Variants in SNX29 observed in about 807,000 individuals in gnomAD.
SNX29 encodes sorting nexin-29.
SNX29 carries 78 observed loss-of-function variants against 102.1 expected under a neutral mutation model. That is an observed-to-expected ratio of 0.76 (90% CI 0.64 to 0.92). SNX29 has a LOEUF of 0.92. SNX29 is among the 40% of genes least tolerant of loss of function. The probability of loss-of-function intolerance (pLI) is 0.00; values close to 1 mark genes in which losing one functional copy is unlikely to be tolerated. For missense variants in SNX29, 1,280 were observed against 1,061.7 expected (o/e 1.21, Z -2.86); for synonymous variants, 580 against 414.5 (o/e 1.40, Z -4.85).
At chr16:12,387,216 C>G (rs1189892354) in intron 16 of SNX29, among the ~76,000 whole-genome samples, 2 of 152,158 alleles carry the variant, frequency 1.3e-5, no homozygotes, top group Admixed American at 6.5e-5. Flanking sequence ...CCTGCTGCTT[C>G]TGCACTGATT....
At chr16:12,562,898 G>A (rs142834400) in intron 20 of SNX29, among the ~76,000 whole-genome samples, 4 of 152,226 alleles carry the variant, frequency 2.6e-5, no homozygotes, top group South Asian at 4.1e-4. Context: ...GGAATTTGAC[G>A]ATGTGCTTGA....
At chr16:12,431,014 G>A (rs567736488) in intron 18 of SNX29, among the ~76,000 whole-genome samples, 3 of 152,170 alleles carry the variant, frequency 2.0e-5, no homozygotes, top group Non-Finnish European at 2.9e-5. Context: ...CACCACACCC[G>A]GCTATTTTTG....
In SNX29 at chr16:12,492,938, G is replaced by A. The variant is rs551404822; in HGVS notation, c.2178+15079G>A. ...ATGCTGTTTTGGTTACTGTAGCCTT[G>A]TAGTATAGTTTGAAGTCAGGTAGGG... On this transcript the variant is annotated intron_variant, in intron 19 of 20. Coordinates refer to ENST00000566228, the MANE Select transcript of SNX29 (RefSeq NM_032167.5). Among the ~76,000 whole-genome samples the A allele has an allele frequency of 5.1e-4, 78 of 152,312 alleles. No individual in the cohort carries two copies. In the East Asian group the frequency reaches 0.015, roughly 29 times the overall value.
At chr16:12,325,668 C>G (rs1179677138) in intron 15 of SNX29, among the ~76,000 whole-genome samples, 1 of 152,044 alleles carries the variant, frequency 6.6e-6, no homozygotes, top group Non-Finnish European at 1.5e-5. Flanking sequence ...TTGGCAATTT[C>G]TGAGAACAAA....
intron 12 of SNX29, among the ~76,000 whole-genome samples, chr16:12,129,411 G>C (rs1331009776): frequency 6.6e-6 from 1 of 152,242 alleles, no homozygotes; most frequent in Non-Finnish European, 1.5e-5. Flanking sequence ...CAGGGACATG[G>C]AGCCCAGGCC....
intron 15 of SNX29, among the ~76,000 whole-genome samples, chr16:12,316,530 G>A (rs997737864): frequency 2.0e-5 from 3 of 152,214 alleles, no homozygotes; most frequent in Non-Finnish European, 2.9e-5. Context: ...GAGACAGAGC[G>A]AAACTCCATT....
In SNX29 at chr16:12,546,877, G is replaced by C. The variant is rs1052280483; in HGVS notation, c.2319-21629G>C. Among the ~76,000 whole-genome samples the C allele has an allele frequency of 6.6e-5, 10 of 152,324 alleles. No homozygotes were observed. The East Asian group carries it at 1.9e-3, about 29-fold the overall frequency. ...TCACCAGTAAGATCAGGCTGGTTTG[G>C]TTTTTCCAGGGCTAGGAGTGCAGCT... On this transcript the variant is annotated intron_variant, in intron 20 of 20. Transcript: ENST00000566228.
chr16:12,560,576 C>G (rs2078667559), intron 20 of SNX29, among the ~76,000 whole-genome samples: 1 of 152,202 alleles, frequency 6.6e-6, no homozygotes, highest in South Asian at 2.1e-4. Flanking sequence ...TCCTTGGGGT[C>G]TGTCCATCTG....
intron 14 of SNX29, among the ~76,000 whole-genome samples, chr16:12,259,152 T>G (rs562092394): frequency 6.6e-6 from 1 of 152,162 alleles, no homozygotes; most frequent in Non-Finnish European, 1.5e-5. Flanking sequence ...AGGCTGTACA[T>G]CATCTCCGTG....
chr16:12,504,207 C>A (rs954609347), intron 19 of SNX29, among the ~76,000 whole-genome samples: 1 of 152,194 alleles, frequency 6.6e-6, no homozygotes, highest in Non-Finnish European at 1.5e-5. Flanking sequence ...AGGGTCTGTC[C>A]TGTTATAGCA....
intron 20 of SNX29, among the ~76,000 whole-genome samples, chr16:12,546,009 A>G (rs571109476): frequency 7.2e-5 from 11 of 152,240 alleles, no homozygotes; most frequent in African/African-American, 2.6e-4. Flanking sequence ...GATGCCAAAA[A>G]CAGAAAACAA....
At chr16:12,475,929 T>C (rs1410698311) in intron 18 of SNX29, among the ~76,000 whole-genome samples, 3 of 152,216 alleles carry the variant, frequency 2.0e-5, no homozygotes, top group Non-Finnish European at 4.4e-5. Flanking sequence ...ATTAGTATTA[T>C]GTATGATGAT....
At chr16:12,484,314 C>T (rs928540584) in intron 19 of SNX29, among the ~76,000 whole-genome samples, 4 of 152,162 alleles carry the variant, frequency 2.6e-5, no homozygotes, top group African/African-American at 4.8e-5. Flanking sequence ...GCCCCTGGCT[C>T]CTGTTTAGAT....
At chr16:12,476,844 A>G (rs879821139) in intron 18 of SNX29, among the ~76,000 whole-genome samples, 12 of 152,118 alleles carry the variant, frequency 7.9e-5, no homozygotes, top group Admixed American at 2.0e-4. Flanking sequence ...AGAATTTATC[A>G]CTCACATTAG....
chr16:12,304,058 A>G (rs2151108610), intron 15 of SNX29, among the ~76,000 whole-genome samples: 1 of 152,322 alleles, frequency 6.6e-6, no homozygotes, highest in East Asian at 1.9e-4. Context: ...GCCTATGCAT[A>G]TCGTGTGTAA....
At chr16:12,110,815 G>C (rs1489314887) in intron 11 of SNX29, among the ~76,000 whole-genome samples, 2 of 151,652 alleles carry the variant, frequency 1.3e-5, no homozygotes, top group Admixed American at 6.6e-5. Flanking sequence ...AAAAAATGGT[G>C]TTTTTCTTTT....
At chr16:12,108,068 A>G (rs927441573) in intron 11 of SNX29, among the ~76,000 whole-genome samples, 11 of 152,194 alleles carry the variant, frequency 7.2e-5, no homozygotes, top group African/African-American at 2.7e-4. Flanking sequence ...TCCATTTGAC[A>G]TCAATTGCTC....
intron 20 of SNX29, among the ~76,000 whole-genome samples, chr16:12,559,354 G>C (rs186322913): frequency 6.6e-6 from 1 of 151,566 alleles, no homozygotes; most frequent in African/African-American, 2.4e-5. Context: ...TGCTACTTAC[G>C]AGAATCTCAT....
At chr16:12,536,611 G>A (rs545260020) in intron 20 of SNX29, among the ~76,000 whole-genome samples, 1 of 152,172 alleles carries the variant, frequency 6.6e-6, no homozygotes, top group African/African-American at 2.4e-5. Context: ...TAACTAGTTT[G>A]GCTGTGGCTG....
Sources: allele counts gnomAD v4.1 joint callset (sites outside exome capture counted in the v4.1 genomes callset), GRCh38; gene constraint gnomAD v4.1.1; transcripts MANE v1.5; gene names NCBI Gene and HGNC (gene_info 2026-07-23, HGNC 2026-07-21).